The following GALNT13 variants were observed in gnomAD, a reference collection of about 807,000 sequenced individuals.
GALNT13 encodes UDP-GalNAc:polypeptide N-acetylgalactosaminyltransferase 13.
Under a neutral mutation model 64.2 loss-of-function variants are expected in GALNT13, and 28 were observed. The observed-to-expected ratio is 0.44, with a 90% CI of 0.32 to 0.60. The LOEUF is 0.60. GALNT13 is among the 20% of genes least tolerant of loss of function. The pLI, the probability that GALNT13 is intolerant of heterozygous loss-of-function variation, is 0.05. For synonymous variants in GALNT13, 214 were observed against 224.6 expected (o/e 0.95, Z 0.42); for missense variants, 577 against 669.8 (o/e 0.86, Z 1.53).
At chr2:153,419,279 AC>A in the GALNT13 span, among the ~76,000 whole-genome samples, 1 of 152,168 alleles carries the variant, frequency 6.6e-6, no homozygotes, top group Admixed American at 6.5e-5. Flanking sequence ...TATCATGAGA[AC>A]AGATGAGGGA....
At chr2:154,366,086 T>G (rs530455736) in intron 9 of GALNT13, among the ~76,000 whole-genome samples, 2 of 152,290 alleles carry the variant, frequency 1.3e-5, no homozygotes, top group South Asian at 4.1e-4. Flanking sequence ...ATTTTTTTCC[T>G]GATTGTATGA....
At chr2:153,682,027 G>A in the GALNT13 span, among the ~76,000 whole-genome samples, 3 of 151,624 alleles carry the variant, frequency 2.0e-5, no homozygotes, top group South Asian at 2.1e-4. Context: ...CAGTTCTTGC[G>A]CTGGCAACTA....
At chr2:153,855,469 T>C in the GALNT13 span, among the ~76,000 whole-genome samples, 4 of 152,148 alleles carry the variant, frequency 2.6e-5, no homozygotes, top group African/African-American at 9.7e-5. Context: ...CAAATGTCAA[T>C]AAGCACATGG....
At chr2:154,018,513 G>C (rs563768447) in intron 3 of GALNT13, among the ~76,000 whole-genome samples, 1 of 151,888 alleles carries the variant, frequency 6.6e-6, no homozygotes, top group Admixed American at 6.6e-5. Context: ...TGTGTGTATA[G>C]GAAAAAAAAC....
Position 154,018,266 on chromosome 2 carries a change from C to T in GALNT13, c.142+73627C>T, listed in dbSNP as rs113013983. Among the ~76,000 whole-genome samples, 425 of 152,160 alleles carry T rather than the reference C, an allele frequency of 2.8e-3. 1 individual carries two copies. The highest frequency in any genetic ancestry group is 9.6e-3 in the African/African-American group (398 of 41,496). Reference sequence around the variant, plus strand: ...TGCTATTTATTGTCAGGGTTTATTCCGTCCTGTAAACTGCCACTCCCAACC... The same window carrying T: ...TGCTATTTATTGTCAGGGTTTATTCTGTCCTGTAAACTGCCACTCCCAACC... On this transcript the variant is annotated intron_variant, in intron 3 of 12. Transcript: ENST00000392825.
the GALNT13 span, among the ~76,000 whole-genome samples, chr2:153,643,811 A>G: frequency 6.6e-6 from 1 of 152,022 alleles, no homozygotes; most frequent in Non-Finnish European, 1.5e-5. Flanking sequence ...AAATCATTTA[A>G]TGTAATTTAT....
At chr2:153,082,854 A>G in the GALNT13 span, among the ~76,000 whole-genome samples, 7 of 149,082 alleles carry the variant, frequency 4.7e-5, no homozygotes, top group African/African-American at 1.7e-4. Context: ...TTTGAGACAG[A>G]GTATCACCCT....
chr2:153,620,870 T>G, the GALNT13 span, among the ~76,000 whole-genome samples: 1 of 152,066 alleles, frequency 6.6e-6, no homozygotes, highest in African/African-American at 2.4e-5. Flanking sequence ...TATTGTAGTC[T>G]TCACTGTGTG....
the GALNT13 span, among the ~76,000 whole-genome samples, chr2:153,452,477 CA>C: frequency 2.0e-5 from 3 of 148,356 alleles, no homozygotes; most frequent in Admixed American, 6.7e-5. Flanking sequence ...GACTCTATCT[CA>C]AAAAAAAGAA....
chr2:153,336,362 C>T, the GALNT13 span, among the ~76,000 whole-genome samples: 1 of 152,166 alleles, frequency 6.6e-6, no homozygotes, highest in East Asian at 1.9e-4. Context: ...AGGAGGGAGG[C>T]TGTACCCTGC....
the GALNT13 span, among the ~76,000 whole-genome samples, chr2:153,141,109 T>TTGACTC: frequency 2.9e-5 from 3 of 104,398 alleles, no homozygotes; most frequent in East Asian, 2.8e-4. Context: ...ATATGTAAAA[T>TTGACTC]CAGGAAATAT....
Position 154,055,235 on chromosome 2 carries a change from T to C in GALNT13, c.143-85102T>C, listed in dbSNP as rs559995568. Among the ~76,000 whole-genome samples the C allele has an allele frequency of 2.1e-3, 320 of 152,174 alleles. 1 individual carries two copies. The highest frequency in any genetic ancestry group is 7.6e-3 in the African/African-American group (316 of 41,552). On this transcript the variant is annotated intron_variant, in intron 3 of 12. Transcript: ENST00000392825. ...CTATGAGAAGATAAAATAATATCTTTGATGGGTTTCTCCATGTCAGGGTTC... is the reference window on the plus strand; with the variant it reads ...CTATGAGAAGATAAAATAATATCTTCGATGGGTTTCTCCATGTCAGGGTTC...
chr2:154,413,555 G>C (rs1223371245), intron 11 of GALNT13, among the ~76,000 whole-genome samples: 1 of 151,916 alleles, frequency 6.6e-6, no homozygotes, highest in South Asian at 2.1e-4. Context: ...ATCCCCATCT[G>C]GTTTTCCAGC....
At chr2:154,262,941 C>T (rs1027887654) in intron 8 of GALNT13, among the ~76,000 whole-genome samples, 1 of 151,948 alleles carries the variant, frequency 6.6e-6, no homozygotes, top group Non-Finnish European at 1.5e-5. Flanking sequence ...AAATAATAAC[C>T]GTGTTTCAGG....
intron 9 of GALNT13, among the ~76,000 whole-genome samples, chr2:154,303,255 G>A (rs1201070259): frequency 1.3e-5 from 2 of 151,972 alleles, no homozygotes; most frequent in African/African-American, 2.4e-5. Flanking sequence ...AGTCGGATGC[G>A]CGCGATTTTA....
the GALNT13 span, among the ~76,000 whole-genome samples, chr2:153,860,210 G>T: frequency 6.6e-6 from 1 of 152,200 alleles, no homozygotes; most frequent in Non-Finnish European, 1.5e-5. Context: ...ATAAAATAAT[G>T]CTTTGTAAAG....
the GALNT13 span, among the ~76,000 whole-genome samples, chr2:153,827,644 C>T: frequency 4.1e-4 from 55 of 135,526 alleles, no homozygotes; most frequent in African/African-American, 9.2e-4. Context: ...AAAAAAAAAA[C>T]GATTTGGGTG....
rs72999306 is a variant in GALNT13 at position 154,319,392 on chromosome 2, G to T, written c.1156+17803G>T. On this transcript the variant is annotated intron_variant, in intron 9 of 12. Transcript: ENST00000392825. ...GATCAATCCTTAATATAGGCCAAGTGTAGTGGCTTACGCCTGTAATCCCAG... is the reference window on the plus strand; with the variant it reads ...GATCAATCCTTAATATAGGCCAAGTTTAGTGGCTTACGCCTGTAATCCCAG... 3.2e-3 allele frequency among the ~76,000 whole-genome samples: 490 copies of T among 152,258 alleles called. 3 individuals carry two copies. Among genetic ancestry groups the T allele is most frequent in the African/African-American group, 0.011 (465 of 41,558 alleles).
the GALNT13 span, among the ~76,000 whole-genome samples, chr2:153,553,094 T>C: frequency 6.6e-6 from 1 of 152,282 alleles, no homozygotes; most frequent in Admixed American, 6.5e-5. Flanking sequence ...ACTGGAGTTA[T>C]TAAAAAGAGT....
Sources: allele counts gnomAD v4.1 joint callset (sites outside exome capture counted in the v4.1 genomes callset), GRCh38; gene constraint gnomAD v4.1.1; transcripts MANE v1.5; gene names NCBI Gene and HGNC (gene_info 2026-07-23, HGNC 2026-07-21).